Variants in LINGO1 observed in about 807,000 individuals in gnomAD.
LINGO1 encodes leucine rich repeat and Ig domain containing 1, also known as leucine-rich repeat and immunoglobulin-like domain-containing nogo receptor-interacting protein 1.
A neutral mutation model predicts 37.3 loss-of-function variants in LINGO1; 11 were observed. The ratio of observed to expected loss-of-function variants is 0.29; its 90% CI spans 0.19 to 0.49. LINGO1 has a LOEUF of 0.49. Ranked by LOEUF, LINGO1 falls within the 20% of genes least tolerant of loss-of-function variation. The pLI is 0.99. For synonymous variants in LINGO1, 387 were observed against 403.0 expected (o/e 0.96, Z 0.48); for missense variants, 585 against 878.2 (o/e 0.67, Z 4.22).
Position 77,782,597 on chromosome 15 carries a change from G to A in LINGO1, c.-257+4272C>T, listed in dbSNP as rs137900497. ...CCAGGATGCCTGCACCTCCACCTGC[G>A]CCATATTCCCCATCTCAGAAAACGG... On this transcript the variant is annotated intron_variant, in intron 1 of 3. Coordinates refer to the LINGO1 transcript ENST00000561686. 1.9e-4 allele frequency among the ~76,000 whole-genome samples: 29 copies of A among 152,138 alleles called. No individual in the cohort carries two copies. The East Asian group carries it at 4.4e-3, about 23-fold the overall frequency.
At position 77,623,732 on chromosome 15, in the gene LINGO1, C is replaced by T. The variant is rs117485490; in HGVS notation, c.7-7832G>A. On this transcript the variant is annotated intron_variant, in intron 1 of 1. Transcript: ENST00000355300. Reference sequence around the variant, plus strand: ...ACCCCCATGGGGACAGAAAAACCAACGTGGAAGAAAACTGAGGTCATGTCC... The same window carrying T: ...ACCCCCATGGGGACAGAAAAACCAATGTGGAAGAAAACTGAGGTCATGTCC... Among the ~76,000 whole-genome samples, 1,423 of 148,360 alleles carry T rather than the reference C, an allele frequency of 9.6e-3. 13 individuals are homozygous for T. The highest frequency in any genetic ancestry group is 0.011 in the Non-Finnish European group (710 of 67,178).
chr15:77,727,411 A>T (rs1007616955), intron 2 of LINGO1, among the ~76,000 whole-genome samples: 25 of 152,374 alleles, frequency 1.6e-4, no homozygotes, highest in African/African-American at 6.0e-4. Flanking sequence ...TTCAGCCTTA[A>T]AAAAGGAAGG....
chr15:77,677,224 C>G (rs1238558434), intron 2 of LINGO1: 1 of 152,424 alleles, frequency 6.6e-6, no homozygotes, highest in Non-Finnish European at 1.5e-5. Flanking sequence ...GGGCTTCCTG[C>G]TACCCCAGGT....
At chr15:77,707,388 A>ATGAT (rs1486205131) in intron 2 of LINGO1, 3 of 152,144 alleles carry the variant, frequency 2.0e-5, no homozygotes, top group Non-Finnish European at 4.4e-5. Context: ...CACAGACCCT[A>ATGAT]CTCACCATGA....
upstream of LINGO1, among the ~76,000 whole-genome samples, chr15:77,697,253 C>T (rs1217881093): frequency 6.6e-6 from 1 of 152,170 alleles, no homozygotes; most frequent in Non-Finnish European, 1.5e-5. Flanking sequence ...ATGATGGTGG[C>T]AGGGTGGGGA....
At chr15:77,654,439 T>G (rs1268074126) in intron 3 of LINGO1, among the ~76,000 whole-genome samples, 1 of 152,142 alleles carries the variant, frequency 6.6e-6, no homozygotes, top group East Asian at 1.9e-4. Flanking sequence ...GACCATGCTC[T>G]TCCCTAAGTA....
chr15:77,751,883 A>G (rs1393085132), intron 1 of LINGO1, among the ~76,000 whole-genome samples: 1 of 152,170 alleles, frequency 6.6e-6, no homozygotes, highest in Non-Finnish European at 1.5e-5. Context: ...AGTAATGAAC[A>G]TGAAGCCACC....
chr15:77,792,266 A>G (rs998785050), intron 2 of LINGO1, among the ~76,000 whole-genome samples: 4 of 152,264 alleles, frequency 2.6e-5, no homozygotes, highest in African/African-American at 9.6e-5. Context: ...CAACGCCTTC[A>G]AAGTCTCCAA....
chr15:77,647,455 G>T (rs1254954079), intron 3 of LINGO1, among the ~76,000 whole-genome samples: 1 of 152,126 alleles, frequency 6.6e-6, no homozygotes, highest in Non-Finnish European at 1.5e-5. Flanking sequence ...AGACAGTCTT[G>T]CAGGAGTCGT....
intron 3 of LINGO1, among the ~76,000 whole-genome samples, chr15:77,670,605 CTG>C (rs2075231357): frequency 6.6e-6 from 1 of 152,252 alleles, no homozygotes. Context: ...ACTTCATACT[CTG>C]TAAAACCTCT....
At chr15:77,789,212 T>G (rs1267492180), upstream of LINGO1, among the ~76,000 whole-genome samples, 1 of 152,256 alleles carries the variant, frequency 6.6e-6, no homozygotes, top group Non-Finnish European at 1.5e-5. Context: ...TATGTGATCT[T>G]ATTTGGAAAT....
intron 1 of LINGO1, among the ~76,000 whole-genome samples, chr15:77,810,249 C>T (rs1023578444): frequency 5.4e-5 from 7 of 129,998 alleles, no homozygotes; most frequent in East Asian, 2.2e-4. Flanking sequence ...CACACACACA[C>T]GCATACACAT....
chr15:77,767,736 A>G (rs1001644472), intron 1 of LINGO1, among the ~76,000 whole-genome samples: 1 of 152,198 alleles, frequency 6.6e-6, no homozygotes, highest in African/African-American at 2.4e-5. Flanking sequence ...ATTTTCAAAA[A>G]GCCTCTCTCC....
intron 1 of LINGO1, among the ~76,000 whole-genome samples, chr15:77,771,829 T>C (rs1462034314): frequency 6.6e-6 from 1 of 152,206 alleles, no homozygotes; most frequent in African/African-American, 2.4e-5. Flanking sequence ...CAGCTCTGCA[T>C]GCCTGTGGAC....
At chr15:77,664,156 T>TGC (rs1279562122) in intron 3 of LINGO1, among the ~76,000 whole-genome samples, 2 of 132,872 alleles carry the variant, frequency 1.5e-5, no homozygotes, top group African/African-American at 3.1e-5. Flanking sequence ...TGTGTGTGTG[T>TGC]GTGTGTGTGT....
At chr15:77,706,834 A>G (rs2075858595) in intron 2 of LINGO1, among the ~76,000 whole-genome samples, 1 of 152,208 alleles carries the variant, frequency 6.6e-6, no homozygotes, top group East Asian at 1.9e-4. Context: ...AGAAGCAGGA[A>G]TCCCTGCTGA....
At chr15:77,810,223 A>AACACAC (rs1383002607) in intron 1 of LINGO1, among the ~76,000 whole-genome samples, 2 of 135,578 alleles carry the variant, frequency 1.5e-5, no homozygotes, top group Non-Finnish European at 3.2e-5. Flanking sequence ...CACACACACA[A>AACACAC]ACATACACAC....
chr15:77,668,800 C>G (rs1278062118), intron 3 of LINGO1, among the ~76,000 whole-genome samples: 1 of 143,822 alleles, frequency 7.0e-6, no homozygotes, highest in African/African-American at 2.7e-5. Flanking sequence ...AATACACACA[C>G]ACACACACAC....
At position 77,725,521 on chromosome 15, in the gene LINGO1, C is replaced by T. The variant is rs141397889; in HGVS notation, c.-195+9471G>A. Among the ~76,000 whole-genome samples, 3 of 152,306 alleles carry T rather than the reference C, an allele frequency of 2.0e-5. No homozygotes were observed. In the East Asian group the frequency reaches 5.8e-4, roughly 29 times the overall value. On this transcript the variant is annotated intron_variant, in intron 2 of 3. Transcript: ENST00000561686. ...GAGGCTGCAGTGAGCTATGATCACA[C>T]CACTGCACTCTAGCCTGGACAACAG... is the stretch of plus-strand genomic sequence containing the variant.
Sources: allele counts gnomAD v4.1 joint callset (sites outside exome capture counted in the v4.1 genomes callset), GRCh38; gene constraint gnomAD v4.1.1; transcripts MANE v1.5; gene names NCBI Gene and HGNC (gene_info 2026-07-23, HGNC 2026-07-21).